Variants in PPFIA1 observed in about 807,000 individuals in gnomAD.
The protein encoded by PPFIA1 is liprin-alpha-1.
Under a neutral mutation model 149.9 loss-of-function variants are expected in PPFIA1, and 25 were observed. The observed-to-expected ratio is 0.17, with a 90% CI of 0.12 to 0.23. The LOEUF is 0.23. PPFIA1 is among the 10% of genes least tolerant of loss of function. PPFIA1 has a pLI of 1.00. For missense variants in PPFIA1, 1,362 were observed against 1,506.5 expected (o/e 0.90, Z 1.59); for synonymous variants, 549 against 552.8 (o/e 0.99, Z 0.10).
At chr11:70,301,478 A>C (rs1386748664) in intron 2 of PPFIA1, among the ~76,000 whole-genome samples, 1 of 152,238 alleles carries the variant, frequency 6.6e-6, no homozygotes, top group Non-Finnish European at 1.5e-5. Flanking sequence ...TCTAATTTGT[A>C]AAATAAGGTA....
chr11:70,328,307 C>T (rs1434178225), intron 7 of PPFIA1, among the ~76,000 whole-genome samples: 2 of 152,088 alleles, frequency 1.3e-5, no homozygotes, highest in African/African-American at 4.8e-5. Context: ...CAGTTAGCTC[C>T]CACTTATAAG....
chr11:70,349,529 A>T (rs1194453661), intron 16 of PPFIA1, among the ~76,000 whole-genome samples: 2 of 152,040 alleles, frequency 1.3e-5, no homozygotes, highest in Non-Finnish European at 2.9e-5. Flanking sequence ...TCAATGAAAT[A>T]TTTCATATTT....
At chr11:70,289,528 G>A (rs79787971) in intron 2 of PPFIA1, among the ~76,000 whole-genome samples, 2,202 of 152,242 alleles carry the variant, frequency 0.014, 52 homozygotes, top group African/African-American at 0.051. Context: ...GGATTCCTTA[G>A]CAATTCTTTT....
At chr11:70,358,120 G>A (rs1382111007) in intron 19 of PPFIA1, 1 of 152,192 alleles carries the variant, frequency 6.6e-6, no homozygotes, top group Non-Finnish European at 1.5e-5. Flanking sequence ...CCTTAGTGGG[G>A]AAAATTTCCA....
chr11:70,323,490 G>GC (rs1456478172), intron 2 of PPFIA1, among the ~76,000 whole-genome samples: 1 of 152,166 alleles, frequency 6.6e-6, no homozygotes, highest in Non-Finnish European at 1.5e-5. Flanking sequence ...TGCAGCATCA[G>GC]CACCACGTAG....
chr11:70,273,305 T>C (rs1422026429), intron 2 of PPFIA1, among the ~76,000 whole-genome samples: 1 of 152,174 alleles, frequency 6.6e-6, no homozygotes, highest in Admixed American at 6.5e-5. Context: ...ATTGTTTCTC[T>C]GAGTATGTTA....
rs1345739626 is a variant in PPFIA1 at position 70,329,831 on chromosome 11, G to A, written c.931-342G>A. ...TAGTCCCAGCTACTGGGAAGATTGA[G>A]GTGGAAGGATCCCTTGAGCCTGGGA... On this transcript the variant is annotated intron_variant, in intron 7 of 27. Coordinates refer to ENST00000253925, the MANE Select transcript of PPFIA1 (RefSeq NM_003626.5). 3.6e-5 allele frequency: 8 copies of A among 222,324 alleles called. No homozygotes were observed. The Admixed American group carries it at 4.3e-4, about 12-fold the overall frequency. 13.8% of individuals were successfully genotyped at this position (222,324 alleles called of 1,614,324 possible).
chr11:70,271,341 C>T (rs576157399), intron 1 of PPFIA1: 1 of 152,460 alleles, frequency 6.6e-6, no homozygotes, highest in African/African-American at 2.4e-5. Context: ...GGGGCATCCC[C>T]CTCTCAGGGG....
chr11:70,272,016 T>C, intron 1 of PPFIA1, 157 bp from the exon 2 acceptor site: 1 of 824,886 alleles, frequency 1.2e-6, no homozygotes, highest in Non-Finnish European at 1.9e-6. Flanking sequence ...ATATTTGCCC[T>C]GTGTATGTTT....
intron 2 of PPFIA1, among the ~76,000 whole-genome samples, chr11:70,323,276 AC>A (rs2054064793): frequency 6.6e-6 from 1 of 152,024 alleles, no homozygotes; most frequent in Non-Finnish European, 1.5e-5. Context: ...TCCCTGAATG[AC>A]GCCCCTGGTC....
chr11:70,329,441 ATTATTAT>A (rs2136909207), intron 7 of PPFIA1, among the ~76,000 whole-genome samples: 1 of 152,140 alleles, frequency 6.6e-6, no homozygotes, highest in East Asian at 1.9e-4. Flanking sequence ...TTTTGAGGAC[ATTATTAT>A]TTATTTATTT....
At chr11:70,346,020 T>G (rs750941454) in intron 15 of PPFIA1, 8 of 445,478 alleles carry the variant, frequency 1.8e-5, no homozygotes, top group Admixed American at 7.6e-5. Flanking sequence ...GTTTGAATCT[T>G]TCTTGTCTCG....
chr11:70,310,385 C>CTTTT (rs754099737), intron 2 of PPFIA1, among the ~76,000 whole-genome samples: 1 of 132,178 alleles, frequency 7.6e-6, no homozygotes, highest in Non-Finnish European at 1.6e-5. Context: ...CATCCATGTA[C>CTTTT]TTTTTTTTTT....
chr11:70,305,811 T>G (rs1187292844), intron 2 of PPFIA1, among the ~76,000 whole-genome samples: 1 of 152,188 alleles, frequency 6.6e-6, no homozygotes, highest in African/African-American at 2.4e-5. Context: ...TTGGCTTATA[T>G]TTGGGCATAT....
chr11:70,296,176 GAGACGCTCCTCACTTTCC>G (rs2051999195), intron 2 of PPFIA1, among the ~76,000 whole-genome samples: 1 of 151,910 alleles, frequency 6.6e-6, no homozygotes, highest in Admixed American at 6.6e-5. Flanking sequence ...CGGCCAGGCA[GAGACGCTCCTCACTTTCC>G]AGACTCGGCA....
At position 70,372,573 on chromosome 11, in the gene PPFIA1, A is replaced by G. The variant is rs2057317986; in HGVS notation, c.3138A>G (p.Lys1046=). The G allele has an allele frequency of 6.2e-7, 1 of 1,603,554 alleles. No homozygotes were observed. Among genetic ancestry groups the G allele is most frequent in the East Asian group, 2.2e-5 (1 of 44,812 alleles). The change falls in exon 23 of 28, where the codon AAA becomes AAG. Residue 1046 remains lysine (K), a splice_region_variant and synonymous_variant. Coordinates refer to ENST00000253925, the MANE Select transcript of PPFIA1 (RefSeq NM_003626.5). ...RKREESQSEI[K]DVLVWSNDRV... ...GAGAAGAAAGTCAGAGTGAAATAAA[A>G]GGTTAGTACATGACATTTAATTGAT...
intron 2 of PPFIA1, among the ~76,000 whole-genome samples, chr11:70,285,485 G>T (rs1388717996): frequency 6.6e-6 from 1 of 151,898 alleles, no homozygotes; most frequent in Non-Finnish European, 1.5e-5. Context: ...TTCGAGACCA[G>T]CCTGGCCAAC....
chr11:70,279,823 A>C (rs1334777666), intron 2 of PPFIA1, among the ~76,000 whole-genome samples: 1 of 147,676 alleles, frequency 6.8e-6, no homozygotes, highest in African/African-American at 2.6e-5. Flanking sequence ...TCTTGGGCTC[A>C]AGCAGTCTTC....
chr11:70,284,859 G>C (rs1432581456), intron 2 of PPFIA1, among the ~76,000 whole-genome samples: 1 of 152,146 alleles, frequency 6.6e-6, no homozygotes, highest in Non-Finnish European at 1.5e-5. Flanking sequence ...AGGTTGGCTA[G>C]GTAGGTTGGG....
Sources: gnomAD v4.1 joint callset for allele counts (sites outside exome capture counted in the v4.1 genomes callset) on GRCh38, gnomAD v4.1.1 for gene constraint, MANE v1.5 for transcripts, NCBI Gene and HGNC (gene_info 2026-07-23, HGNC 2026-07-21) for gene names.